The following SMAD4 variants were observed in gnomAD, a reference collection of about 807,000 sequenced individuals.
The protein encoded by SMAD4 is SMAD family member 4.
Under a neutral mutation model 63.2 loss-of-function variants are expected in SMAD4, and 7 were observed. That is an observed-to-expected ratio of 0.11 (90% CI 0.06 to 0.21). The LOEUF (loss-of-function observed/expected upper bound fraction) is 0.21, where lower values mean the gene tolerates loss of function less well. SMAD4 is among the 10% of genes least tolerant of loss of function. SMAD4 has a pLI of 1.00. For synonymous variants in SMAD4, 215 were observed against 235.4 expected (o/e 0.91, Z 0.79); for missense variants, 312 against 693.8 (o/e 0.45, Z 6.18).
At chr18:51,042,644 T>C (rs889782534) in intron 1 of SMAD4, among the ~76,000 whole-genome samples, 4 of 152,036 alleles carry the variant, frequency 2.6e-5, no homozygotes, top group Non-Finnish European at 5.9e-5. Context: ...GATCCAACCA[T>C]GTCGGCCTCT....
Position 51,059,769 on chromosome 18 carries a change from AC to A in SMAD4, c.905-95del. The A allele has an allele frequency of 4.5e-6, 4 of 898,552 alleles. No homozygotes were observed. The South Asian group carries it at 5.5e-5, about 12-fold the overall frequency. The allele number at this position is 898,552 out of a possible 1,614,324, so 55.7% of individuals were successfully genotyped here. ...ATAAGCTTGTTTTAAACAATTCCTA[AC>A]CTATAATAGTTATATTTAAGTAAGA... On this transcript the variant is annotated intron_variant, in intron 7 of 11. Transcript: ENST00000342988.
chr18:51,080,199 T>C lies in SMAD4; in HGVS notation c.*1732T>C, dbSNP rs1910575723. 4.3e-6 allele frequency: 1 copy of C among 232,404 alleles called. No individual in the cohort carries two copies. Among genetic ancestry groups the C allele is most frequent in the Non-Finnish European group, 8.5e-6 (1 of 117,650 alleles). 14.4% of individuals were successfully genotyped at this position (232,404 alleles called of 1,614,324 possible). A position where few individuals can be genotyped will look rare whatever the true frequency, so the allele number is the denominator to read the frequency against. On this transcript the variant is annotated 3_prime_UTR_variant, in exon 12 of 12. Coordinates refer to ENST00000342988, the MANE Select transcript of SMAD4 (RefSeq NM_005359.6). ...TTCTACTGCCTTGCTCAGAAGGTCT[T>C]TTAAATAGACCATCCTAGAAACCAC... is the stretch of plus-strand genomic sequence containing the variant.
intron 11 of SMAD4, 28 bp downstream of exon 11, chr18:51,076,804 A>T (rs762171718): frequency 6.6e-7 from 1 of 1,507,766 alleles, no homozygotes; most frequent in Non-Finnish European, 9.0e-7. Flanking sequence ...TCTTTTTTAA[A>T]GGTATAATAG....
chr18:51,074,597 T>C (rs982980417), intron 10 of SMAD4, among the ~76,000 whole-genome samples: 1 of 152,064 alleles, frequency 6.6e-6, no homozygotes, highest in Admixed American at 6.6e-5. Context: ...GAAGGTTGGG[T>C]GTGGGGACAG....
intron 8 of SMAD4, among the ~76,000 whole-genome samples, chr18:51,065,049 G>A (rs1279980817): frequency 6.6e-6 from 1 of 152,122 alleles, no homozygotes; most frequent in Non-Finnish European, 1.5e-5. Context: ...AAATACCATG[G>A]TAAAATAATT....
intron 1 of SMAD4, chr18:51,044,990 T>A (rs1909497714): frequency 6.6e-6 from 1 of 152,194 alleles, no homozygotes; most frequent in Admixed American, 6.5e-5. Context: ...GGTTTATGAG[T>A]TGAGACAGAC....
chr18:51,084,465 A>G lies in SMAD4; in HGVS notation c.*5998A>G, dbSNP rs1910699838. The stretch of plus-strand genomic sequence containing the variant: ...TGGATGAGTACAATTAATGAAATTC[A>G]TATTTTCAAGGACCTGGGAGCCTTC... On this transcript the variant is annotated 3_prime_UTR_variant, in exon 12 of 12. Transcript: ENST00000342988. 1 of 194,842 alleles carries G rather than the reference A, an allele frequency of 5.1e-6. No homozygotes were observed. The highest frequency in any genetic ancestry group is 1.0e-5 in the Non-Finnish European group (1 of 95,942). 12.1% of individuals were successfully genotyped at this position (194,842 alleles called of 1,614,324 possible).
intron 1 of SMAD4, among the ~76,000 whole-genome samples, chr18:51,042,880 C>T (rs1909432295): frequency 6.6e-6 from 1 of 152,156 alleles, no homozygotes; most frequent in South Asian, 2.1e-4. Flanking sequence ...TTGGGAAAAT[C>T]CATGTTACTG....
At chr18:51,066,495 G>T (rs1167001015) in intron 9 of SMAD4, among the ~76,000 whole-genome samples, 1 of 152,052 alleles carries the variant, frequency 6.6e-6, no homozygotes, top group African/African-American at 2.4e-5. Context: ...TTGCTGTCAT[G>T]TGACTTTGGC....
Position 51,055,124 on chromosome 18 carries a change from A to G in SMAD4, c.667+131A>G, listed in dbSNP as rs184706743. On this transcript the variant is annotated intron_variant, in intron 5 of 11. Transcript: ENST00000342988. ...TAACTGTAGTATCTTTCATAGGTAAACAGGTATTAAACAGGTATGCACAAT... is the reference window on the plus strand; with the variant it reads ...TAACTGTAGTATCTTTCATAGGTAAGCAGGTATTAAACAGGTATGCACAAT... 307 of 740,946 alleles carry G rather than the reference A, an allele frequency of 4.1e-4. 1 individual carries two copies. Among genetic ancestry groups the G allele is most frequent in the African/African-American group, 4.1e-3 (241 of 58,180 alleles). The allele number at this position is 740,946 out of a possible 1,614,324, so 45.9% of individuals were successfully genotyped here. A position where few individuals can be genotyped will look rare whatever the true frequency, so the allele number is the denominator to read the frequency against.
intron 10 of SMAD4, among the ~76,000 whole-genome samples, chr18:51,067,681 G>A (rs1322146615): frequency 6.6e-6 from 1 of 152,148 alleles, no homozygotes; most frequent in Non-Finnish European, 1.5e-5. Flanking sequence ...CCAAAGTGCT[G>A]GGATTACAGG....
chr18:51,049,571 A>G (rs1909646785), intron 4 of SMAD4: 1 of 471,410 alleles, frequency 2.1e-6, no homozygotes, highest in East Asian at 3.3e-5. Context: ...AAAAAATATG[A>G]TAGAGGAATG....
intron 10 of SMAD4, among the ~76,000 whole-genome samples, chr18:51,074,272 T>TTAAC (rs1396731856): frequency 6.6e-6 from 1 of 151,048 alleles, no homozygotes; most frequent in Non-Finnish European, 1.5e-5. Flanking sequence ...TCCTGGCTAG[T>TTAAC]TGGGAGGCTG....
intron 1 of SMAD4, among the ~76,000 whole-genome samples, chr18:51,032,450 CT>C (rs1410951134): frequency 6.6e-6 from 1 of 152,192 alleles, no homozygotes; most frequent in Admixed American, 6.5e-5. Flanking sequence ...AATGATTGAT[CT>C]TTTATGATAG....
chr18:51,074,211 C>T (rs1346081574), intron 10 of SMAD4, among the ~76,000 whole-genome samples: 1 of 142,800 alleles, frequency 7.0e-6, no homozygotes, highest in Non-Finnish European at 1.5e-5. Context: ...CTCATCTCTA[C>T]CAAAAAAAAA....
intron 10 of SMAD4, among the ~76,000 whole-genome samples, chr18:51,071,717 A>G (rs538779073): frequency 6.6e-6 from 1 of 152,288 alleles, no homozygotes; most frequent in East Asian, 1.9e-4. Context: ...TTACTACTCA[A>G]TTTTGGAGCA....
At position 51,078,817 on chromosome 18, in the gene SMAD4, C is replaced by T. The variant is rs1298964331; in HGVS notation, c.*350C>T. ...GCAGAACATCGATATGTATATCATTCTACAGAATAATCCAGTATTGCTGAT... is the reference window on the plus strand; with the variant it reads ...GCAGAACATCGATATGTATATCATTTTACAGAATAATCCAGTATTGCTGAT... On this transcript the variant is annotated 3_prime_UTR_variant, in exon 12 of 12. Coordinates refer to ENST00000342988, the MANE Select transcript of SMAD4 (RefSeq NM_005359.6). 4 of 284,420 alleles carry T rather than the reference C, an allele frequency of 1.4e-5. No homozygotes were observed. Among genetic ancestry groups the T allele is most frequent in the Non-Finnish European group, 2.7e-5 (4 of 148,834 alleles). The allele number at this position is 284,420 out of a possible 1,614,324, so 17.6% of individuals were successfully genotyped here.
In SMAD4 at chr18:51,060,990, T is replaced by TTATAGACGTG. The variant is rs1429141705; in HGVS notation, c.955+1074_955+1075insTATAGACGTG. ...CTAGCCTCAAGTGATCCTCCTGTCT[T>TTATAGACGTG]AGCCTCCCAAAGTGCTGGGATTATA... On this transcript the variant is annotated intron_variant, in intron 8 of 11. Coordinates refer to ENST00000342988, the MANE Select transcript of SMAD4 (RefSeq NM_005359.6). Among the ~76,000 whole-genome samples the TTATAGACGTG allele has an allele frequency of 2.7e-3, 414 of 152,188 alleles. 3 individuals are homozygous for TTATAGACGTG. The highest frequency in any genetic ancestry group is 6.9e-3 in the African/African-American group (285 of 41,522).
At chr18:51,077,446 A>C in intron 11 of SMAD4, 1 of 938,800 alleles carries the variant, frequency 1.1e-6, no homozygotes, top group Non-Finnish European at 1.3e-6. Context: ...GGCTAAGAAA[A>C]CTGCAGTGGC....
Sources: gnomAD v4.1 joint callset for allele counts (sites outside exome capture counted in the v4.1 genomes callset) on GRCh38, gnomAD v4.1.1 for gene constraint, MANE v1.5 for transcripts, NCBI Gene and HGNC (gene_info 2026-07-23, HGNC 2026-07-21) for gene names.